Variants in SLC25A51 observed in about 807,000 individuals in gnomAD.
SLC25A51 encodes the protein solute carrier family 25 member 51.
Under a neutral mutation model 19.1 loss-of-function variants are expected in SLC25A51, and 11 were observed. The ratio of observed to expected loss-of-function variants is 0.58; its 90% CI spans 0.36 to 0.96. The LOEUF (loss-of-function observed/expected upper bound fraction) is 0.96. Ranked by LOEUF, SLC25A51 falls within the 40% of genes least tolerant of loss-of-function variation. SLC25A51 has a pLI of 0.01. For missense variants in SLC25A51, 201 were observed against 365.4 expected, an observed-to-expected ratio of 0.55 and a Z score of 3.67; for synonymous variants, 105 against 133.6, an observed-to-expected ratio of 0.79 and a Z score of 1.47.
At chr9:37,879,483 G>C (rs1831311001) in exon 4 of SLC25A51, 1 of 165,014 alleles carries the variant, frequency 6.1e-6, no homozygotes, top group African/African-American at 2.4e-5. Flanking sequence ...AAGGTGACAA[G>C]AAAATCAGAG....
At chr9:37,892,887 G>A (rs563752653) in intron 2 of SLC25A51, among the ~76,000 whole-genome samples, 11 of 151,968 alleles carry the variant, frequency 7.2e-5, no homozygotes, top group South Asian at 4.2e-4. Flanking sequence ...TTACAAGTGC[G>A]CACCACCATG....
chr9:37,890,236 T>C (rs958127782), intron 2 of SLC25A51, among the ~76,000 whole-genome samples: 1 of 151,982 alleles, frequency 6.6e-6, no homozygotes, highest in South Asian at 2.1e-4. Context: ...AGTTAAAAAT[T>C]AGCTGGGCAT....
chr9:37,885,901 C>T, downstream of SLC25A51: 5 of 1,565,688 alleles, frequency 3.2e-6, no homozygotes, highest in Non-Finnish European at 4.4e-6. Context: ...CATATATGGG[C>T]CCTGAGTATA....
chr9:37,881,201 TAAAA>T (rs11402300), intron 3 of SLC25A51, among the ~76,000 whole-genome samples: 1 of 128,608 alleles, frequency 7.8e-6, no homozygotes, highest in East Asian at 2.3e-4. Flanking sequence ...AAAGTAGATA[TAAAA>T]AAAAAAAAAA....
chr9:37,881,201 T>TAA (rs11402300), intron 3 of SLC25A51, among the ~76,000 whole-genome samples: 28 of 128,614 alleles, frequency 2.2e-4, no homozygotes, highest in African/African-American at 3.1e-4. Context: ...AAAGTAGATA[T>TAA]AAAAAAAAAA....
chr9:37,882,708 A>G (rs886856423), downstream of SLC25A51, among the ~76,000 whole-genome samples: 1 of 152,252 alleles, frequency 6.6e-6, no homozygotes, highest in African/African-American at 2.4e-5. Context: ...TACGGAATCC[A>G]TAACATTTCT....
chr9:37,900,020 T>G (rs71504548), intron 1 of SLC25A51, 70 bp from the exon 2 acceptor site: 10 of 123,552 alleles, frequency 8.1e-5, no homozygotes, highest in Non-Finnish European at 1.3e-4. Context: ...TTTTTTTTTG[T>G]AGAGACAGGG....
downstream of SLC25A51, chr9:37,885,674 G>A (rs1183413772): frequency 1.5e-5 from 19 of 1,235,724 alleles, no homozygotes; most frequent in East Asian, 2.8e-4. Context: ...GGAGTTGCCC[G>A]AAACCGGAGA....
intron 2 of SLC25A51, among the ~76,000 whole-genome samples, chr9:37,895,328 A>G (rs1016768417): frequency 1.0e-4 from 15 of 150,082 alleles, no homozygotes; most frequent in African/African-American, 3.7e-4. Flanking sequence ...CAGCCTCCTG[A>G]GTAGCTGGAA....
Position 37,887,611 on chromosome 9 carries a change from TAGA to T in SLC25A51, c.*43_*45del, listed in dbSNP as rs752010271. ...AAAAGAGGCCAAACTGCATTCTTCT[TAGA>T]AGGTCTATTCAGTTGATAAATGGCA... is the stretch of plus-strand genomic sequence containing the variant. On this transcript the variant is annotated 3_prime_UTR_variant, in exon 3 of 3. Transcript: ENST00000242275. The T allele has an allele frequency of 7.1e-6, 11 of 1,547,154 alleles. No individual in the cohort carries two copies. The highest frequency in any genetic ancestry group is 6.6e-5 in the Admixed American group (3 of 45,800).
downstream of SLC25A51, chr9:37,885,593 G>A (rs1831435701): frequency 1.4e-6 from 1 of 722,716 alleles, no homozygotes; most frequent in Admixed American, 2.0e-5. Flanking sequence ...GTTTCACTGT[G>A]AGTTTCACTC....
chr9:37,882,380 C>A (rs550603811), intron 2 of SLC25A51, among the ~76,000 whole-genome samples: 91 of 152,296 alleles, frequency 6.0e-4, no homozygotes, highest in African/African-American at 2.2e-3. Context: ...TTTCATATAT[C>A]CCATCGACCA....
At chr9:37,892,923 A>G (rs1436612948) in intron 2 of SLC25A51, among the ~76,000 whole-genome samples, 1 of 152,066 alleles carries the variant, frequency 6.6e-6, no homozygotes, top group Non-Finnish European at 1.5e-5. Flanking sequence ...TATTTTTAGT[A>G]AAGACAGATT....
chr9:37,892,283 C>T (rs1164332454), intron 2 of SLC25A51, among the ~76,000 whole-genome samples: 3 of 152,198 alleles, frequency 2.0e-5, no homozygotes, highest in South Asian at 4.1e-4. Flanking sequence ...CCCGTGGGCT[C>T]GGCTCTGAAA....
intron 2 of SLC25A51, among the ~76,000 whole-genome samples, chr9:37,890,375 C>T (rs1362223466): frequency 6.6e-6 from 1 of 152,044 alleles, no homozygotes; most frequent in Non-Finnish European, 1.5e-5. Context: ...CAGAGCAAGA[C>T]TCTTGTTTCT....
At chr9:37,903,382 T>C (rs928076348) in intron 1 of SLC25A51, 4 of 152,158 alleles carry the variant, frequency 2.6e-5, no homozygotes, top group African/African-American at 9.7e-5. Context: ...ACATACTCCA[T>C]CTAGCTAAAC....
At chr9:37,890,679 G>C (rs754090170) in intron 2 of SLC25A51, among the ~76,000 whole-genome samples, 3 of 150,878 alleles carry the variant, frequency 2.0e-5, no homozygotes, top group Non-Finnish European at 4.4e-5. Context: ...CTGGGTGACA[G>C]AGTAATACCC....
At chr9:37,902,357 C>A (rs995401865) in intron 1 of SLC25A51, among the ~76,000 whole-genome samples, 1 of 152,194 alleles carries the variant, frequency 6.6e-6, no homozygotes, top group Non-Finnish European at 1.5e-5. Context: ...CCATATCCAA[C>A]TATTTTAAGA....
chr9:37,888,896 A>C (rs1831520548), intron 2 of SLC25A51, among the ~76,000 whole-genome samples: 1 of 152,274 alleles, frequency 6.6e-6, no homozygotes, highest in Admixed American at 6.5e-5. Context: ...TAAGTCAGAC[A>C]TGCAAAAGGC....
Sources: gnomAD v4.1 joint callset for allele counts (sites outside exome capture counted in the v4.1 genomes callset) on GRCh38, gnomAD v4.1.1 for gene constraint, MANE v1.5 for transcripts, NCBI Gene and HGNC (gene_info 2026-07-23, HGNC 2026-07-21) for gene names.